Variants in NDST3 observed in about 807,000 individuals in gnomAD.
The protein encoded by NDST3 is bifunctional heparan sulfate N-deacetylase/N-sulfotransferase 3.
A neutral mutation model predicts 96.1 loss-of-function variants in NDST3; 58 were observed. That is an observed-to-expected ratio of 0.60 (90% confidence interval 0.49 to 0.75). The LOEUF is 0.75. Among genes scored for constraint, NDST3 ranks in the 30% least tolerant of loss-of-function variants. The pLI is 0.00. For synonymous variants in NDST3, 333 were observed against 359.7 expected (o/e 0.93, Z 0.84); for missense variants, 788 against 1,034.2 (o/e 0.76, Z 3.27).
chr4:118,067,264 C>T (rs1726665120), intron 2 of NDST3, among the ~76,000 whole-genome samples: 1 of 151,836 alleles, frequency 6.6e-6, no homozygotes, highest in African/African-American at 2.4e-5. Flanking sequence ...CATTTTAACT[C>T]TAGTGTGATT....
chr4:118,165,908 A>C (rs766187332), intron 6 of NDST3, among the ~76,000 whole-genome samples: 1 of 151,974 alleles, frequency 6.6e-6, no homozygotes. Context: ...AATGCAACAA[A>C]AGCAGTATTA....
intron 6 of NDST3, among the ~76,000 whole-genome samples, chr4:118,150,446 A>C (rs1474024591): frequency 6.6e-6 from 1 of 151,994 alleles, no homozygotes; most frequent in Non-Finnish European, 1.5e-5. Context: ...AGAGTGAACA[A>C]GCAACCTACA....
intron 4 of NDST3, among the ~76,000 whole-genome samples, chr4:118,118,137 A>C (rs1447424946): frequency 6.6e-6 from 1 of 152,362 alleles, no homozygotes; most frequent in South Asian, 2.1e-4. Context: ...TCAACTCACT[A>C]GATGGAACAA....
intron 5 of NDST3, among the ~76,000 whole-genome samples, chr4:118,142,858 T>C (rs552055088): frequency 6.6e-6 from 1 of 152,302 alleles, no homozygotes; most frequent in East Asian, 1.9e-4. Flanking sequence ...AGATAATACA[T>C]ATATACAAAG....
intron 3 of NDST3, among the ~76,000 whole-genome samples, chr4:118,109,350 C>A (rs1039649636): frequency 6.6e-6 from 1 of 152,142 alleles, no homozygotes; most frequent in African/African-American, 2.4e-5. Flanking sequence ...ACAGCAAAAC[C>A]AGGACAGCCC....
chr4:118,111,887 A>C lies in NDST3; in HGVS notation c.1070-2919A>C, dbSNP rs560739479. Among the ~76,000 whole-genome samples the C allele has an allele frequency of 2.0e-5, 3 of 151,604 alleles. No homozygotes were observed. The East Asian group carries it at 5.9e-4, about 30-fold the overall frequency. Reference sequence around the variant, plus strand: ...AAATGCCTGAGCTATCTTTTTAGCCAGGATGGTCTTGATCTCCTGACCTCT... The same window carrying C: ...AAATGCCTGAGCTATCTTTTTAGCCCGGATGGTCTTGATCTCCTGACCTCT... On this transcript the variant is annotated intron_variant, in intron 3 of 13. Transcript: ENST00000296499.
chr4:118,143,543 A>AT lies in NDST3; in HGVS notation c.1411-8dup. ...AAAAAAGCTTTTCCTTACTTTTTTC[A>AT]TTTTTCCTTCAGGTTCTCCCAAGAC... On this transcript the variant is annotated splice_polypyrimidine_tract_variant and intron_variant, in intron 5 of 13. Transcript: ENST00000296499. 6.3e-7 allele frequency: 1 copy of AT among 1,585,466 alleles called. No homozygotes were observed.
chr4:118,215,728 T>C (rs1178155728), intron 6 of NDST3, among the ~76,000 whole-genome samples: 4 of 152,040 alleles, frequency 2.6e-5, no homozygotes, highest in Non-Finnish European at 5.9e-5. Context: ...GGGGGATATA[T>C]TAGTCTTGAC....
intron 6 of NDST3, among the ~76,000 whole-genome samples, chr4:118,158,556 A>G (rs927460514): frequency 3.9e-5 from 6 of 152,252 alleles, no homozygotes; most frequent in African/African-American, 9.6e-5. Context: ...GCAGACACCA[A>G]TGAAAACAAT....
rs1290308242 is a variant in NDST3 at position 118,256,509 on chromosome 4, G to C, written c.*797G>C. On this transcript the variant is annotated 3_prime_UTR_variant, in exon 14 of 14. Transcript: ENST00000296499. ...AGTGTACTGACTGAATCCTCTAAAA[G>C]GGAGAAATTGTAGGGGTCTAAAAAC... 6.6e-6 allele frequency: 1 copy of C among 152,138 alleles called. No homozygotes were observed. Among genetic ancestry groups the C allele is most frequent in the African/African-American group, 2.4e-5 (1 of 41,436 alleles). 9.4% of individuals were successfully genotyped at this position (152,138 alleles called of 1,614,324 possible). A position where few individuals can be genotyped will look rare whatever the true frequency, so the allele number is the denominator to read the frequency against.
intron 12 of NDST3, among the ~76,000 whole-genome samples, chr4:118,251,134 T>TTC (rs1741698707): frequency 7.0e-6 from 1 of 143,076 alleles, no homozygotes. Context: ...TATTTTATTT[T>TTC]TTTTTTTTTT....
chr4:118,094,750 T>C (rs1011625226), intron 2 of NDST3, among the ~76,000 whole-genome samples: 15 of 151,856 alleles, frequency 9.9e-5, no homozygotes. Flanking sequence ...GATTTAGCAT[T>C]GTAGAGGCAG....
Position 118,237,030 on chromosome 4 carries a change from A to C in NDST3, c.1944-16A>C, listed in dbSNP as rs368378324. The stretch of plus-strand genomic sequence containing the variant: ...TAAACCAGAATCTTATTTTGAGAAA[A>C]ATATTCCTTTTCTAGGTATATGGAT... On this transcript the variant is annotated splice_polypyrimidine_tract_variant and intron_variant, in intron 9 of 13. Coordinates refer to ENST00000296499, the MANE Select transcript of NDST3 (RefSeq NM_004784.3). 527 of 1,554,866 alleles carry C rather than the reference A, an allele frequency of 3.4e-4. 1 individual carries two copies. Among genetic ancestry groups the C allele is most frequent in the South Asian group, 4.1e-4 (34 of 82,578 alleles).
intron 2 of NDST3, among the ~76,000 whole-genome samples, chr4:118,072,941 A>C (rs899335691): frequency 7.2e-5 from 11 of 152,036 alleles, no homozygotes; most frequent in African/African-American, 2.7e-4. Flanking sequence ...ACATGAAGGA[A>C]GTTGAATTTT....
At chr4:118,213,100 A>G (rs1335442656) in intron 6 of NDST3, among the ~76,000 whole-genome samples, 1 of 152,198 alleles carries the variant, frequency 6.6e-6, no homozygotes, top group Non-Finnish European at 1.5e-5. Flanking sequence ...TGCAAGCTAA[A>G]TCGTCAAAGC....
At chr4:118,182,368 AT>A (rs1310128681) in intron 6 of NDST3, among the ~76,000 whole-genome samples, 1 of 152,220 alleles carries the variant, frequency 6.6e-6, no homozygotes, top group South Asian at 2.1e-4. Flanking sequence ...CAATAATACT[AT>A]GGAAAGTTCA....
chr4:118,102,394 T>C (rs1237576041), intron 2 of NDST3, among the ~76,000 whole-genome samples: 1 of 152,082 alleles, frequency 6.6e-6, no homozygotes, highest in East Asian at 1.9e-4. Flanking sequence ...CTCTATCAGA[T>C]GGGTTTTGCT....
intron 3 of NDST3, among the ~76,000 whole-genome samples, chr4:118,105,647 C>T (rs7671562): frequency 0.75 from 114,539 of 152,090 alleles, 45,778 homozygotes; most frequent in South Asian, 0.92. Flanking sequence ...TTTCCTTTTC[C>T]TTGCTGTACA....
At chr4:118,238,344 C>T (rs1050653124) in intron 10 of NDST3, among the ~76,000 whole-genome samples, 7 of 152,084 alleles carry the variant, frequency 4.6e-5, no homozygotes, top group Admixed American at 3.3e-4. Context: ...TGCACAAAAA[C>T]GATCACTTTG....
Sources: gnomAD v4.1 joint callset for allele counts (sites outside exome capture counted in the v4.1 genomes callset) on GRCh38, gnomAD v4.1.1 for gene constraint, MANE v1.5 for transcripts, NCBI Gene and HGNC (gene_info 2026-07-23, HGNC 2026-07-21) for gene names.